The following SORCS3 variants were observed in gnomAD, a reference collection of about 807,000 sequenced individuals.
The protein encoded by SORCS3 is VPS10 domain-containing receptor SorCS3.
A neutral mutation model predicts 146.3 loss-of-function variants in SORCS3; 57 were observed. That is an observed-to-expected ratio of 0.39 (90% confidence interval 0.31 to 0.49). The LOEUF (loss-of-function observed/expected upper bound fraction) is 0.49. SORCS3 is among the 20% of genes least tolerant of loss of function. SORCS3 has a pLI of 0.92. For synonymous variants in SORCS3, 653 were observed against 618.5 expected (o/e 1.06, Z -0.83); for missense variants, 1,341 against 1,575.5 (o/e 0.85, Z 2.52).
At chr10:104,821,575 C>G (rs551045554) in intron 1 of SORCS3, among the ~76,000 whole-genome samples, 1 of 152,316 alleles carries the variant, frequency 6.6e-6, no homozygotes, top group Admixed American at 6.5e-5. Context: ...TCAGCAATTT[C>G]AAAGCACATG....
At chr10:104,948,223 A>G (rs974450985) in intron 3 of SORCS3, among the ~76,000 whole-genome samples, 3 of 152,132 alleles carry the variant, frequency 2.0e-5, no homozygotes, top group Admixed American at 1.3e-4. Flanking sequence ...AGCATTACCT[A>G]TGCTTGACCT....
At chr10:104,726,067 T>A (rs925207001) in intron 1 of SORCS3, among the ~76,000 whole-genome samples, 1 of 152,206 alleles carries the variant, frequency 6.6e-6, no homozygotes, top group African/African-American at 2.4e-5. Context: ...TCTGCATCGC[T>A]CACGCTGGGT....
intron 1 of SORCS3, among the ~76,000 whole-genome samples, chr10:104,729,240 G>A (rs778779734): frequency 2.0e-5 from 3 of 152,142 alleles, no homozygotes; most frequent in Non-Finnish European, 4.4e-5. Context: ...CTGTTTTATG[G>A]TACACGTGTA....
intron 17 of SORCS3, among the ~76,000 whole-genome samples, chr10:105,214,027 G>A (rs1321140174): frequency 6.6e-6 from 1 of 152,162 alleles, no homozygotes; most frequent in Non-Finnish European, 1.5e-5. Flanking sequence ...CTGGTACAGA[G>A]AAAGCTGGAG....
chr10:104,741,732 T>G (rs1338103348), intron 1 of SORCS3, among the ~76,000 whole-genome samples: 2 of 112,392 alleles, frequency 1.8e-5, no homozygotes, highest in African/African-American at 3.4e-5. Context: ...TTTTTTTTTT[T>G]GCCTAGCCTT....
At chr10:105,002,396 G>T (rs1242004833) in intron 4 of SORCS3, among the ~76,000 whole-genome samples, 1 of 152,152 alleles carries the variant, frequency 6.6e-6, no homozygotes, top group Non-Finnish European at 1.5e-5. Context: ...TGTGATGGCA[G>T]TAACCTCAGA....
Position 104,682,518 on chromosome 10 carries a change from T to C in SORCS3, c.627+40564T>C, listed in dbSNP as rs542453928. On this transcript the variant is annotated intron_variant, in intron 1 of 26. Transcript: ENST00000369701. ...TCCTCAGCAGGTTAGCTTTTATTTT[T>C]AAAAGTACTTTCAGCTCTAACATTC... is the stretch of plus-strand genomic sequence containing the variant. Among the ~76,000 whole-genome samples, 3 of 152,334 alleles carry C rather than the reference T, an allele frequency of 2.0e-5. No homozygotes were observed. In the East Asian group the frequency reaches 5.8e-4, roughly 29 times the overall value.
rs891911244 is a variant in SORCS3 at position 104,864,250 on chromosome 10, A to T, written c.695+21391A>T. ...AAATGTTTATAAAAGCCTTAAAAAA[A>T]TTTTTAAAAAGATTTTTCTCTGCTG... On this transcript the variant is annotated intron_variant, in intron 2 of 26. Transcript: ENST00000369701. Among the ~76,000 whole-genome samples, 22 of 152,216 alleles carry T rather than the reference A, an allele frequency of 1.4e-4. 1 individual carries two copies. The highest frequency in any genetic ancestry group is 6.3e-4 in the South Asian group (3 of 4,798).
intron 1 of SORCS3, among the ~76,000 whole-genome samples, chr10:104,814,553 C>T (rs903553286): frequency 6.6e-6 from 1 of 152,304 alleles, no homozygotes; most frequent in Admixed American, 6.5e-5. Flanking sequence ...TCCTCTAGAA[C>T]TCAACTTGGA....
At chr10:104,919,947 C>A (rs533266436) in intron 3 of SORCS3, among the ~76,000 whole-genome samples, 1 of 152,184 alleles carries the variant, frequency 6.6e-6, no homozygotes, top group Non-Finnish European at 1.5e-5. Context: ...TAAAAATACT[C>A]TTATTTGTTC....
At chr10:104,891,228 T>C (rs1180391017) in intron 2 of SORCS3, among the ~76,000 whole-genome samples, 2 of 152,262 alleles carry the variant, frequency 1.3e-5, no homozygotes, top group Non-Finnish European at 2.9e-5. Flanking sequence ...GTAACTGTTA[T>C]TGGCCTTGTG....
At chr10:105,045,844 C>G (rs2055368415) in intron 5 of SORCS3, among the ~76,000 whole-genome samples, 1 of 152,118 alleles carries the variant, frequency 6.6e-6, no homozygotes, top group African/African-American at 2.4e-5. Flanking sequence ...ATGTTTATTA[C>G]TAGTACTCAA....
chr10:105,223,269 A>G lies in SORCS3; in HGVS notation c.2868+20A>G, dbSNP rs1405177263. 6.3e-7 allele frequency: 1 copy of G among 1,598,734 alleles called. No homozygotes were observed. Among genetic ancestry groups the G allele is most frequent in the South Asian group, 1.1e-5 (1 of 89,372 alleles). ...ACAAAGGTTTGGCCCTTTCTGATTG[A>G]TGTCAAATTAGATCTGTACTGAATG... On this transcript the variant is annotated intron_variant, in intron 20 of 26. Coordinates refer to ENST00000369701, the MANE Select transcript of SORCS3 (RefSeq NM_014978.3).
chr10:105,182,225 A>G (rs1054356562), intron 14 of SORCS3, among the ~76,000 whole-genome samples: 3 of 86,010 alleles, frequency 3.5e-5, no homozygotes, highest in Admixed American at 3.0e-4. Context: ...GTGACTATTC[A>G]GCATCTTTTT....
At chr10:105,226,091 A>G (rs1028750290) in intron 20 of SORCS3, among the ~76,000 whole-genome samples, 21 of 151,872 alleles carry the variant, frequency 1.4e-4, no homozygotes, top group East Asian at 1.9e-4. Flanking sequence ...TTCCGGTCCT[A>G]TATTGAATAG....
intron 9 of SORCS3, among the ~76,000 whole-genome samples, chr10:105,151,485 C>T (rs371630506): frequency 2.6e-5 from 4 of 152,082 alleles, no homozygotes; most frequent in African/African-American, 9.7e-5. Flanking sequence ...ACACCTGTTT[C>T]CCCTTGACTC....
chr10:105,066,220 ACG>A (rs1247661147), intron 5 of SORCS3, among the ~76,000 whole-genome samples: 1 of 152,208 alleles, frequency 6.6e-6, no homozygotes, highest in Non-Finnish European at 1.5e-5. Flanking sequence ...AGTAAGAAGC[ACG>A]CCTTCCCCTG....
intron 1 of SORCS3, among the ~76,000 whole-genome samples, chr10:104,750,940 A>G (rs2016975579): frequency 6.6e-6 from 1 of 152,196 alleles, no homozygotes; most frequent in Non-Finnish European, 1.5e-5. Context: ...GGAACTATGC[A>G]TTTCTTAGTT....
intron 4 of SORCS3, among the ~76,000 whole-genome samples, chr10:105,040,808 C>A (rs981099567): frequency 2.6e-5 from 4 of 151,658 alleles, no homozygotes; most frequent in African/African-American, 9.7e-5. Flanking sequence ...GTACTGAGAG[C>A]CCAGTTTAGA....
Sources: allele counts gnomAD v4.1 joint callset (sites outside exome capture counted in the v4.1 genomes callset), GRCh38; gene constraint gnomAD v4.1.1; transcripts MANE v1.5; gene names NCBI Gene and HGNC (gene_info 2026-07-23, HGNC 2026-07-21).